CXADR: variants seen among roughly 807,000 people sequenced by gnomAD.
The protein encoded by CXADR is coxsackievirus and adenovirus receptor.
A neutral mutation model predicts 40.3 loss-of-function variants in CXADR; 20 were observed. The observed-to-expected ratio is 0.50, with a 90% confidence interval of 0.35 to 0.72. CXADR has a LOEUF of 0.72. Among genes scored for constraint, CXADR ranks in the 30% least tolerant of loss-of-function variants. The pLI, the probability that CXADR is intolerant of heterozygous loss-of-function variation, is 0.01. For missense variants in CXADR, 332 were observed against 449.1 expected, an observed-to-expected ratio of 0.74 and a Z score of 2.36; for synonymous variants, 150 against 161.3, an observed-to-expected ratio of 0.93 and a Z score of 0.53.
downstream of CXADR, among the ~76,000 whole-genome samples, chr21:17,570,487 C>G (rs2061269177): frequency 1.3e-5 from 2 of 152,102 alleles, no homozygotes; most frequent in Non-Finnish European, 2.9e-5. Flanking sequence ...CTGGTGAGAG[C>G]TTACCTTCTG....
chr21:17,586,530 G>C (rs906522864), intron 7 of CXADR, among the ~76,000 whole-genome samples: 1 of 150,640 alleles, frequency 6.6e-6, no homozygotes, highest in Admixed American at 6.6e-5. Context: ...CAAACTTCTG[G>C]CCTCAAGCAG....
At chr21:17,614,743 A>C in the CXADR span, among the ~76,000 whole-genome samples, 22 of 152,292 alleles carry the variant, frequency 1.4e-4, no homozygotes, top group East Asian at 4.0e-3. Flanking sequence ...ACTCTGTCTA[A>C]AAAAAGAAAA....
intron 7 of CXADR, among the ~76,000 whole-genome samples, chr21:17,576,483 G>A (rs1458059547): frequency 2.0e-5 from 3 of 152,170 alleles, no homozygotes; most frequent in African/African-American, 7.2e-5. Flanking sequence ...GATCAGTTAA[G>A]TGTTAGCTTT....
At chr21:17,513,367 G>C (rs1257696377) in intron 1 of CXADR, among the ~76,000 whole-genome samples, 195 bp downstream of exon 1, 1 of 152,108 alleles carries the variant, frequency 6.6e-6, no homozygotes, top group African/African-American at 2.4e-5. Flanking sequence ...GTCCCGTAGG[G>C]AGCCGCGCAG....
intron 1 of CXADR, among the ~76,000 whole-genome samples, chr21:17,545,585 C>A (rs1453664238): frequency 6.6e-6 from 1 of 151,924 alleles, no homozygotes; most frequent in African/African-American, 2.4e-5. Context: ...CACCACCACA[C>A]CCAGCTAGGC....
At chr21:17,562,315 G>A (rs2061134639) in intron 6 of CXADR, among the ~76,000 whole-genome samples, 1 of 146,960 alleles carries the variant, frequency 6.8e-6, no homozygotes, top group African/African-American at 2.7e-5. Flanking sequence ...TTTGGTTGTT[G>A]GGTTTTTTGT....
intron 1 of CXADR, among the ~76,000 whole-genome samples, chr21:17,537,930 T>C (rs935336651): frequency 2.6e-5 from 4 of 152,100 alleles, no homozygotes; most frequent in African/African-American, 9.7e-5. Flanking sequence ...AGAGGACATA[T>C]GTTCTGGAGG....
At chr21:17,628,987 G>A in the CXADR span, among the ~76,000 whole-genome samples, 1 of 152,106 alleles carries the variant, frequency 6.6e-6, no homozygotes, top group East Asian at 1.9e-4. Flanking sequence ...CACCCTCACA[G>A]ACTCACCCTG....
At chr21:17,631,784 T>C in the CXADR span, among the ~76,000 whole-genome samples, 1 of 152,230 alleles carries the variant, frequency 6.6e-6, no homozygotes, top group Non-Finnish European at 1.5e-5. Context: ...TTATTTGTTT[T>C]GCTCAGCTAC....
chr21:17,595,528 T>C (rs909368949), downstream of CXADR, among the ~76,000 whole-genome samples: 9 of 152,024 alleles, frequency 5.9e-5, no homozygotes, highest in Admixed American at 6.6e-5. Context: ...GTATACTGGA[T>C]TGTATCCTGC....
chr21:17,588,848 A>C (rs958002807), intron 7 of CXADR, among the ~76,000 whole-genome samples: 4 of 152,106 alleles, frequency 2.6e-5, no homozygotes, highest in African/African-American at 9.7e-5. Flanking sequence ...CTGGGATTTT[A>C]AAATTATGAT....
At chr21:17,517,563 A>G (rs542129926) in intron 1 of CXADR, among the ~76,000 whole-genome samples, 8 of 152,336 alleles carry the variant, frequency 5.3e-5, no homozygotes, top group African/African-American at 1.9e-4. Context: ...GCATTTTTGT[A>G]CCTGCTATTA....
chr21:17,568,005 C>A lies in CXADR; in HGVS notation c.*2313C>A, dbSNP rs1165458693. On this transcript the variant is annotated 3_prime_UTR_variant, in exon 7 of 7. Coordinates refer to ENST00000284878, the MANE Select transcript of CXADR (RefSeq NM_001338.5). ...CCAATACGTTTTCAAGTAGTTCTCA[C>A]TGATAATTTAGTTGAACCAGAGATC... The A allele has an allele frequency of 4.5e-5, 44 of 984,732 alleles. No individual in the cohort carries two copies. Among genetic ancestry groups the A allele is most frequent in the Non-Finnish European group, 5.2e-5 (43 of 829,808 alleles). 61.0% of individuals were successfully genotyped at this position (984,732 alleles called of 1,614,324 possible). A position where few individuals can be genotyped will look rare whatever the true frequency, so the allele number is the denominator to read the frequency against.
intron 1 of CXADR, among the ~76,000 whole-genome samples, chr21:17,526,268 TTC>T (rs2060597152): frequency 6.6e-6 from 1 of 152,234 alleles, no homozygotes; most frequent in African/African-American, 2.4e-5. Flanking sequence ...TTTGGAATAG[TTC>T]TCATGAGATT....
intron 1 of CXADR, among the ~76,000 whole-genome samples, chr21:17,515,839 T>C (rs994244011): frequency 2.0e-5 from 3 of 152,152 alleles, no homozygotes; most frequent in Non-Finnish European, 1.5e-5. Flanking sequence ...GGCATTGTTA[T>C]TAACTCAAGT....
At chr21:17,531,224 G>C (rs754658871) in intron 1 of CXADR, among the ~76,000 whole-genome samples, 48 of 151,916 alleles carry the variant, frequency 3.2e-4, no homozygotes, top group Admixed American at 7.2e-4. Flanking sequence ...GCTTGAACCA[G>C]GGAGGCGGAG....
chr21:17,516,582 A>G (rs1349565935), intron 1 of CXADR, among the ~76,000 whole-genome samples: 1 of 152,164 alleles, frequency 6.6e-6, no homozygotes, highest in Non-Finnish European at 1.5e-5. Flanking sequence ...TGGAACTAAA[A>G]AAGTCTGGTC....
intron 2 of CXADR, among the ~76,000 whole-genome samples, chr21:17,549,078 G>T (rs916014600): frequency 6.6e-6 from 1 of 152,182 alleles, no homozygotes; most frequent in African/African-American, 2.4e-5. Flanking sequence ...TTCCTTATGT[G>T]ATCTCTTTAG....
the CXADR span, among the ~76,000 whole-genome samples, chr21:17,629,041 G>C: frequency 2.0e-5 from 3 of 152,110 alleles, no homozygotes; most frequent in Non-Finnish European, 4.4e-5. Context: ...GGCCAGTCAA[G>C]TTGACATATA....
Sources: gnomAD v4.1 joint callset for allele counts (sites outside exome capture counted in the v4.1 genomes callset) on GRCh38, gnomAD v4.1.1 for gene constraint, MANE v1.5 for transcripts, NCBI Gene and HGNC (gene_info 2026-07-23, HGNC 2026-07-21) for gene names.